Variants in KIAA0319 observed in about 807,000 individuals in gnomAD.
KIAA0319 encodes dyslexia-associated protein KIAA0319.
KIAA0319 carries 83 observed loss-of-function variants against 108.4 expected under a neutral mutation model. The observed-to-expected ratio is 0.77, with a 90% CI of 0.64 to 0.92. The LOEUF (loss-of-function observed/expected upper bound fraction) is 0.92. KIAA0319 is among the 40% of genes least tolerant of loss of function. The pLI is 0.00. For synonymous variants in KIAA0319, 484 were observed against 510.4 expected (o/e 0.95, Z 0.70); for missense variants, 1,195 against 1,322.4 (o/e 0.90, Z 1.49).
chr6:24,566,288 A>G (rs1321080010), intron 14 of KIAA0319, among the ~76,000 whole-genome samples: 2 of 152,142 alleles, frequency 1.3e-5, no homozygotes, highest in East Asian at 3.9e-4. Context: ...CCCTGATCCA[A>G]TAGGATTTAC....
At chr6:24,579,716 G>A (rs1232096618) in intron 8 of KIAA0319, 142 bp downstream of exon 8, 5 of 626,326 alleles carry the variant, frequency 8.0e-6, no homozygotes, top group Middle Eastern at 6.3e-4. Context: ...AGGAACTAAA[G>A]AAGACATAAA....
chr6:24,572,493 G>A, intron 11 of KIAA0319, 82 bp downstream of exon 11: 2 of 1,496,728 alleles, frequency 1.3e-6, no homozygotes, highest in South Asian at 2.5e-5. Context: ...GTACCACCAA[G>A]TGTGGCATCT....
chr6:24,552,539 T>C (rs1369831081), intron 19 of KIAA0319, among the ~76,000 whole-genome samples: 2 of 152,244 alleles, frequency 1.3e-5, no homozygotes, highest in Admixed American at 6.5e-5. Flanking sequence ...CCAGTCTTAC[T>C]TTGGGAACGT....
At chr6:24,618,219 T>C (rs985894499) in intron 1 of KIAA0319, among the ~76,000 whole-genome samples, 2 of 152,104 alleles carry the variant, frequency 1.3e-5, no homozygotes, top group Non-Finnish European at 2.9e-5. Flanking sequence ...TCCTGAGTTG[T>C]CAGTGCCACA....
chr6:24,639,049 A>T (rs2127597070), intron 1 of KIAA0319, among the ~76,000 whole-genome samples: 1 of 152,332 alleles, frequency 6.6e-6, no homozygotes, highest in Non-Finnish European at 1.5e-5. Flanking sequence ...CCTGGTAAAT[A>T]CAGCCAATTT....
chr6:24,565,752 C>CAA (rs71542686), intron 14 of KIAA0319, among the ~76,000 whole-genome samples: 4,247 of 61,412 alleles, frequency 0.069, 329 homozygotes, highest in African/African-American at 0.17. Context: ...GACTCCATCT[C>CAA]AAAAAAAAAA....
chr6:24,609,067 A>C (rs1333088245), intron 1 of KIAA0319, among the ~76,000 whole-genome samples: 1 of 151,136 alleles, frequency 6.6e-6, no homozygotes, highest in African/African-American at 2.4e-5. Flanking sequence ...CAGGAGTTAG[A>C]AACCAGCTTG....
intron 18 of KIAA0319, among the ~76,000 whole-genome samples, chr6:24,555,033 G>C (rs2127424006): frequency 6.6e-6 from 1 of 152,164 alleles, no homozygotes; most frequent in East Asian, 1.9e-4. Flanking sequence ...TTTTAATAAA[G>C]CATCTATATG....
intron 10 of KIAA0319, among the ~76,000 whole-genome samples, chr6:24,575,018 T>C (rs751689400): frequency 6.6e-6 from 1 of 152,184 alleles, no homozygotes; most frequent in Non-Finnish European, 1.5e-5. Context: ...TTTCAGGCAA[T>C]TGCAAAGGTT....
At chr6:24,543,466 T>C (rs538857527), downstream of KIAA0319, among the ~76,000 whole-genome samples, 5 of 152,268 alleles carry the variant, frequency 3.3e-5, no homozygotes, top group African/African-American at 9.6e-5. Flanking sequence ...ATGGCCTCCT[T>C]CTGTGGCCTA....
chr6:24,541,139 C>T (rs1286639857), downstream of KIAA0319, among the ~76,000 whole-genome samples: 1 of 151,618 alleles, frequency 6.6e-6, no homozygotes, highest in Non-Finnish European at 1.5e-5. Flanking sequence ...CTATTATATA[C>T]ATGCAAAAAA....
At chr6:24,587,937 C>T (rs1203107773) in intron 4 of KIAA0319, among the ~76,000 whole-genome samples, 1 of 152,184 alleles carries the variant, frequency 6.6e-6, no homozygotes, top group African/African-American at 2.4e-5. Flanking sequence ...CTGCTTAAAA[C>T]CATTCAGGGA....
At chr6:24,601,009 C>G in intron 2 of KIAA0319, 40 bp downstream of exon 2, 1 of 1,613,502 alleles carries the variant, frequency 6.2e-7, no homozygotes. Context: ...TCAAGAAACT[C>G]AAGTCCAACA....
rs1761527390 is a variant in KIAA0319, at chr6:24,551,639, T to G, written c.2949-114A>C. Reference sequence around the variant, plus strand: ...ACATTTTGCCTTTATGATGTGATAGTTGGCGTCTTTTATTAAAGAAACATA... The same window carrying G: ...ACATTTTGCCTTTATGATGTGATAGGTGGCGTCTTTTATTAAAGAAACATA... On this transcript the variant is annotated intron_variant, in intron 19 of 20. Coordinates refer to ENST00000378214, the MANE Select transcript of KIAA0319 (RefSeq NM_014809.4). 4.3e-6 allele frequency: 3 copies of G among 695,490 alleles called. No homozygotes were observed. In the East Asian group the frequency reaches 8.1e-5, roughly 19 times the overall value. 43.1% of individuals were successfully genotyped at this position (695,490 alleles called of 1,614,324 possible).
At chr6:24,583,489 T>G (rs1766942788) in intron 5 of KIAA0319, 115 bp downstream of exon 5, 1 of 737,482 alleles carries the variant, frequency 1.4e-6, no homozygotes, top group Admixed American at 2.7e-5. Flanking sequence ...CCACCTTTGT[T>G]TGTGACGTCG....
At chr6:24,609,502 G>A (rs921667013) in intron 1 of KIAA0319, among the ~76,000 whole-genome samples, 5 of 151,794 alleles carry the variant, frequency 3.3e-5, no homozygotes, top group Non-Finnish European at 7.4e-5. Flanking sequence ...GCTTGAACCC[G>A]GGAGAGGAGG....
At chr6:24,618,195 TTAAC>T in intron 1 of KIAA0319, among the ~76,000 whole-genome samples, 1 of 152,058 alleles carries the variant, frequency 6.6e-6, no homozygotes, top group Admixed American at 6.5e-5. Flanking sequence ...GGGGGAGAAA[TTAAC>T]TTAAAGTTGT....
Position 24,564,226 on chromosome 6 carries a change from T to C in KIAA0319, c.2407A>G (p.Thr803Ala), listed in dbSNP as rs1281150119. Residue 803 changes from threonine (T) to alanine (A), a missense_variant, in exon 15 of 21, where the codon ACT becomes GCT. Physicochemically the swap from Thr to Ala is moderately conservative, Grantham distance 58 (BLOSUM62 0). Transcript: ENST00000378214. ...TDSQGASDTDTATVEVQPDPR... is the reference protein window; with the variant it reads ...TDSQGASDTDAATVEVQPDPR... ...CCTGGCTGCACTTCCACAGTGGCAG[T>C]GTCTGTGTCCGAGGCCCCCTGACTG... is the stretch of plus-strand genomic sequence containing the variant. The C allele has an allele frequency of 4.3e-6, 7 of 1,614,142 alleles. No individual in the cohort carries two copies. Among genetic ancestry groups the C allele is most frequent in the Non-Finnish European group, 5.1e-6 (6 of 1,180,016 alleles).
intron 1 of KIAA0319, among the ~76,000 whole-genome samples, chr6:24,630,710 T>TATATATATATATATAC (rs373537245): frequency 1.5e-4 from 21 of 138,682 alleles, no homozygotes; most frequent in African/African-American, 6.4e-4. Flanking sequence ...TATACACATA[T>TATATATATATATATAC]ACACACAAAC....
Sources: gnomAD v4.1 joint callset for allele counts (sites outside exome capture counted in the v4.1 genomes callset) on GRCh38, gnomAD v4.1.1 for gene constraint, MANE v1.5 for transcripts, NCBI Gene and HGNC (gene_info 2026-07-23, HGNC 2026-07-21) for gene names.